FUT9: variants seen among roughly 807,000 people sequenced by gnomAD.
FUT9 encodes the protein fucosyltransferase 9.
A neutral mutation model predicts 29.7 loss-of-function variants in FUT9; 15 were observed. The ratio of observed to expected loss-of-function variants is 0.51; its 90% CI spans 0.34 to 0.78. The LOEUF (loss-of-function observed/expected upper bound fraction) is 0.78. Ranked by LOEUF, FUT9 falls within the 30% of genes least tolerant of loss-of-function variation. The pLI, the probability that FUT9 is intolerant of heterozygous loss-of-function variation, is 0.01. For synonymous variants in FUT9, 169 were observed against 153.7 expected (o/e 1.10, Z -0.74); for missense variants, 319 against 425.4 (o/e 0.75, Z 2.20).
At chr6:96,027,627 T>C (rs967847831) in intron 1 of FUT9, among the ~76,000 whole-genome samples, 1 of 151,596 alleles carries the variant, frequency 6.6e-6, no homozygotes, top group African/African-American at 2.4e-5. Context: ...TGCTTACTCA[T>C]ATTCTAAAAA....
chr6:96,137,102 A>G (rs1772362072), intron 2 of FUT9, among the ~76,000 whole-genome samples: 1 of 151,956 alleles, frequency 6.6e-6, no homozygotes, highest in East Asian at 1.9e-4. Context: ...ATTTATCAAG[A>G]ACTTATTAAT....
At chr6:96,029,531 A>C (rs1194830138) in intron 1 of FUT9, among the ~76,000 whole-genome samples, 1 of 151,686 alleles carries the variant, frequency 6.6e-6, no homozygotes, top group Non-Finnish European at 1.5e-5. Context: ...TCAACTCTTG[A>C]CTAGAGTAAC....
intron 2 of FUT9, among the ~76,000 whole-genome samples, chr6:96,176,942 G>A (rs1010726773): frequency 9.9e-5 from 15 of 152,116 alleles, no homozygotes; most frequent in Admixed American, 2.6e-4. Context: ...AATCCCCTCT[G>A]ACAAGCTTTC....
At chr6:96,059,702 T>G (rs568872634) in intron 1 of FUT9, among the ~76,000 whole-genome samples, 1 of 152,200 alleles carries the variant, frequency 6.6e-6, no homozygotes, top group South Asian at 2.1e-4. Flanking sequence ...AGTGCTTGTT[T>G]TGAATTTAGT....
At chr6:96,105,880 C>T (rs922197114) in intron 1 of FUT9, among the ~76,000 whole-genome samples, 1 of 152,146 alleles carries the variant, frequency 6.6e-6, no homozygotes, top group South Asian at 2.1e-4. Flanking sequence ...TGGAAATATA[C>T]TTCATAAATA....
At position 96,018,133 on chromosome 6, in the gene FUT9, A is replaced by G. The variant is rs560812906; in HGVS notation, c.-98+1921A>G. Among the ~76,000 whole-genome samples, 13 of 152,206 alleles carry G rather than the reference A, an allele frequency of 8.5e-5. No individual in the cohort carries two copies. In the South Asian group the frequency reaches 1.5e-3, roughly 17 times the overall value. On this transcript the variant is annotated intron_variant, in intron 1 of 2. Transcript: ENST00000302103. ...GTTTATTGTTGGTTTTCTAAATTTG[A>G]AAATTTTAGTTGGTTATATTTAGGG... is the stretch of plus-strand genomic sequence containing the variant.
intron 1 of FUT9, among the ~76,000 whole-genome samples, chr6:96,092,889 T>C (rs1771434660): frequency 6.6e-6 from 1 of 151,878 alleles, no homozygotes; most frequent in African/African-American, 2.4e-5. Context: ...ACCTCCTGAG[T>C]AGTTAGGACT....
intron 1 of FUT9, among the ~76,000 whole-genome samples, chr6:96,073,876 T>C (rs1409582428): frequency 6.6e-6 from 1 of 152,186 alleles, no homozygotes; most frequent in African/African-American, 2.4e-5. Flanking sequence ...AAAGACTCAT[T>C]CATTCATTCC....
intron 1 of FUT9, among the ~76,000 whole-genome samples, chr6:96,100,932 G>A (rs1488682865): frequency 6.6e-6 from 1 of 152,120 alleles, no homozygotes; most frequent in Non-Finnish European, 1.5e-5. Flanking sequence ...AGGACTTAGT[G>A]TTTGAATGAA....
chr6:96,164,205 T>C (rs1040375102), intron 2 of FUT9, among the ~76,000 whole-genome samples: 17 of 150,738 alleles, frequency 1.1e-4, no homozygotes, highest in African/African-American at 3.9e-4. Flanking sequence ...CTGGAATCAA[T>C]AGAAGGGAGT....
chr6:96,032,675 A>G (rs1317258509), intron 1 of FUT9, among the ~76,000 whole-genome samples: 1 of 151,560 alleles, frequency 6.6e-6, no homozygotes, highest in Non-Finnish European at 1.5e-5. Flanking sequence ...ACGTGAAAGT[A>G]GGCAGTAAAA....
chr6:96,117,476 T>C (rs2127963325), intron 2 of FUT9, among the ~76,000 whole-genome samples: 1 of 152,354 alleles, frequency 6.6e-6, no homozygotes, highest in East Asian at 1.9e-4. Context: ...GATACCACAT[T>C]AGCAATTAGC....
At chr6:96,157,103 G>C (rs534274047) in intron 2 of FUT9, among the ~76,000 whole-genome samples, 75 of 152,304 alleles carry the variant, frequency 4.9e-4, no homozygotes, top group African/African-American at 1.8e-3. Context: ...CCTAGCCCCA[G>C]AGAAAGACAT....
chr6:96,162,178 A>G (rs969718673), intron 2 of FUT9, among the ~76,000 whole-genome samples: 5 of 152,170 alleles, frequency 3.3e-5, no homozygotes, highest in Admixed American at 1.3e-4. Flanking sequence ...ATCTGAGTCT[A>G]GTTCTGATGC....
At chr6:96,035,895 TTAATA>T (rs1770353687) in intron 1 of FUT9, among the ~76,000 whole-genome samples, 1 of 98,352 alleles carries the variant, frequency 1.0e-5, no homozygotes, top group Non-Finnish European at 2.1e-5. Context: ...GTTTATTATA[TTAATA>T]TAATATAATA....
At chr6:96,175,018 A>C (rs1038168805) in intron 2 of FUT9, among the ~76,000 whole-genome samples, 1 of 152,168 alleles carries the variant, frequency 6.6e-6, no homozygotes, top group Non-Finnish European at 1.5e-5. Context: ...GCTGTGGACT[A>C]AATAATAGTG....
At position 96,202,175 on chromosome 6, in the gene FUT9, C is replaced by T. The variant is rs1021020717; in HGVS notation, c.-8-973C>T. On this transcript the variant is annotated intron_variant, in intron 2 of 2. Coordinates refer to ENST00000302103, the MANE Select transcript of FUT9 (RefSeq NM_006581.4). ...TTTTGTGTTCATAGCCATAAAGAGG[C>T]ATGAATGCCGAAGAGAAAAAAACTT... is the stretch of plus-strand genomic sequence containing the variant. Among the ~76,000 whole-genome samples the T allele has an allele frequency of 6.6e-5, 10 of 151,832 alleles. No individual in the cohort carries two copies. In the South Asian group the frequency reaches 2.1e-3, roughly 31 times the overall value.
At chr6:96,051,194 C>G (rs1046673858) in intron 1 of FUT9, among the ~76,000 whole-genome samples, 1 of 151,892 alleles carries the variant, frequency 6.6e-6, no homozygotes, top group African/African-American at 2.4e-5. Context: ...ATATATTATA[C>G]CTAATTTACA....
intron 2 of FUT9, among the ~76,000 whole-genome samples, chr6:96,127,768 T>G (rs780755776): frequency 1.4e-4 from 21 of 152,194 alleles, no homozygotes; most frequent in Admixed American, 4.6e-4. Flanking sequence ...TTAATTTGCA[T>G]TTCTCTAATG....
Sources: gnomAD v4.1 joint callset for allele counts (sites outside exome capture counted in the v4.1 genomes callset) on GRCh38, gnomAD v4.1.1 for gene constraint, MANE v1.5 for transcripts, NCBI Gene and HGNC (gene_info 2026-07-23, HGNC 2026-07-21) for gene names.